ITGA8: variants seen among roughly 807,000 people sequenced by gnomAD.
The protein encoded by ITGA8 is integrin subunit alpha 8.
In ITGA8, 91 loss-of-function variants were observed where a neutral mutation model predicts 142.3. The observed-to-expected ratio is 0.64, with a 90% CI of 0.54 to 0.76. The LOEUF (loss-of-function observed/expected upper bound fraction) is 0.76, where lower values mean the gene tolerates loss of function less well. Among genes scored for constraint, ITGA8 ranks in the 30% least tolerant of loss-of-function variants. ITGA8 has a pLI of 0.00. For missense variants in ITGA8, 1,406 were observed against 1,327.7 expected (o/e 1.06, Z -0.92); for synonymous variants, 505 against 485.2 (o/e 1.04, Z -0.54).
intron 25 of ITGA8, among the ~76,000 whole-genome samples, chr10:15,566,173 T>C (rs74907747): frequency 0.012 from 1,831 of 152,258 alleles, 35 homozygotes; most frequent in African/African-American, 0.042. Flanking sequence ...CCGCTTTCCA[T>C]GTTTGTACTA....
At chr10:15,654,155 C>T (rs182818377) in intron 11 of ITGA8, among the ~76,000 whole-genome samples, 12 of 152,234 alleles carry the variant, frequency 7.9e-5, no homozygotes, top group Admixed American at 7.8e-4. Context: ...GTTTTCATGG[C>T]CTGATAGCTC....
At chr10:15,532,701 C>T (rs143810473) in intron 27 of ITGA8, among the ~76,000 whole-genome samples, 159 of 151,110 alleles carry the variant, frequency 1.1e-3, no homozygotes, top group African/African-American at 3.7e-3. Flanking sequence ...AGTGCTGGGT[C>T]CTAACTGGCT....
At chr10:15,652,230 T>C (rs1347915732) in intron 11 of ITGA8, among the ~76,000 whole-genome samples, 3 of 152,216 alleles carry the variant, frequency 2.0e-5, no homozygotes, top group Non-Finnish European at 4.4e-5. Context: ...CACAAAACTT[T>C]GCTATAGACT....
rs1463817650 is a variant in ITGA8 at position 15,589,483 on chromosome 10, T to G, written c.2291+2742A>C. Among the ~76,000 whole-genome samples the G allele has an allele frequency of 5.3e-5, 8 of 152,290 alleles. No homozygotes were observed. The East Asian group carries it at 1.5e-3, about 29-fold the overall frequency. ...ATTTGGTAACAGGAAATATTTTAAG[T>G]TTATTAACATATAAAGCCCATTTCT... On this transcript the variant is annotated intron_variant, in intron 22 of 29. Coordinates refer to ENST00000378076, the MANE Select transcript of ITGA8 (RefSeq NM_003638.3).
intron 8 of ITGA8, among the ~76,000 whole-genome samples, chr10:15,664,656 T>A (rs1205331299): frequency 2.9e-5 from 4 of 136,970 alleles, no homozygotes; most frequent in African/African-American, 1.1e-4. Context: ...CCTAATGCTA[T>A]CCCTCCCCCC....
At chr10:15,708,230 TA>T (rs1415490843) in intron 2 of ITGA8, among the ~76,000 whole-genome samples, 3 of 152,206 alleles carry the variant, frequency 2.0e-5, no homozygotes, top group Non-Finnish European at 2.9e-5. Flanking sequence ...ATGACATTTT[TA>T]TAAGTAAAAG....
intron 14 of ITGA8, among the ~76,000 whole-genome samples, chr10:15,616,245 G>A (rs754201038): frequency 6.6e-5 from 10 of 152,112 alleles, no homozygotes; most frequent in South Asian, 2.1e-4. Flanking sequence ...ATTCAGTAAC[G>A]TCTAAAAAGT....
chr10:15,684,834 T>A (rs907668945), intron 3 of ITGA8, among the ~76,000 whole-genome samples: 1 of 152,184 alleles, frequency 6.6e-6, no homozygotes, highest in South Asian at 2.1e-4. Context: ...TGAGAACAAG[T>A]TCCTTTCTGT....
chr10:15,646,989 C>T lies in ITGA8; in HGVS notation c.1064G>A (p.Arg355Lys), dbSNP rs1403330736. Residue 355 changes from arginine to lysine, a missense_variant, in exon 12 of 30, where the codon AGA (arginine) becomes AAA (lysine). Physicochemically the swap from Arg to Lys is conservative, Grantham distance 26. Coordinates refer to ENST00000378076, the MANE Select transcript of ITGA8 (RefSeq NM_003638.3). ...ATACAGGTAGATTTGCCCTACTTCTCTGGGGTTGCTCTCAAATTCACGTTC... is the reference window on the plus strand; with the variant it reads ...ATACAGGTAGATTTGCCCTACTTCTTTGGGGTTGCTCTCAAATTCACGTTC... ...FMEREFESNP[R>K]EVGQIYLYLQ... is the part of the protein sequence containing the mutation. The T allele has an allele frequency of 3.7e-6, 6 of 1,614,130 alleles. No individual in the cohort carries two copies. The Admixed American group carries it at 6.7e-5, about 18-fold the overall frequency.
intron 23 of ITGA8, among the ~76,000 whole-genome samples, chr10:15,579,503 A>T (rs1834363249): frequency 6.6e-6 from 1 of 152,108 alleles, no homozygotes; most frequent in Non-Finnish European, 1.5e-5. Context: ...TTATTTTGGA[A>T]TTAAGAACCA....
chr10:15,675,910 T>C (rs1244390553), intron 6 of ITGA8, among the ~76,000 whole-genome samples: 1 of 152,214 alleles, frequency 6.6e-6, no homozygotes, highest in Non-Finnish European at 1.5e-5. Context: ...ATTGCTATGG[T>C]AAATTTTCAG....
intron 2 of ITGA8, among the ~76,000 whole-genome samples, chr10:15,706,169 GCTC>G (rs1160313287): frequency 6.6e-6 from 1 of 152,096 alleles, no homozygotes; most frequent in African/African-American, 2.4e-5. Context: ...TCTAAGACAT[GCTC>G]CTTACCCACT....
intron 11 of ITGA8, among the ~76,000 whole-genome samples, chr10:15,651,331 C>T (rs1008886081): frequency 1.6e-4 from 25 of 152,216 alleles, no homozygotes; most frequent in African/African-American, 5.8e-4. Context: ...CTTGAGATAA[C>T]GAAACTGAAG....
rs146708392 is a variant in ITGA8, at chr10:15,629,852, C to T, written c.1400-13293G>A. On this transcript the variant is annotated intron_variant, in intron 13 of 29. Transcript: ENST00000378076. ...TGAGGAAGAGAGAATCTCTTGAACC[C>T]GGGAAGCAGAGGTTGCAGTGAGCCA... Among the ~76,000 whole-genome samples, 105 of 152,076 alleles carry T rather than the reference C, an allele frequency of 6.9e-4. 1 individual carries two copies. Among genetic ancestry groups the T allele is most frequent in the African/African-American group, 2.2e-3 (91 of 41,396 alleles).
intron 25 of ITGA8, among the ~76,000 whole-genome samples, chr10:15,558,892 A>G (rs1184381894): frequency 1.3e-5 from 2 of 152,188 alleles, no homozygotes; most frequent in East Asian, 1.9e-4. Context: ...GAGAATTCCA[A>G]TAAATCACAC....
rs1834199610 is a variant in ITGA8 at position 15,572,269 on chromosome 10, T to C, written c.2579A>G (p.Gln860Arg). The change falls in exon 25 of 30, where the codon CAA becomes CGA. Residue 860 changes from glutamine to arginine, a missense_variant. Coordinates refer to ENST00000378076, the MANE Select transcript of ITGA8 (RefSeq NM_003638.3). Reference protein sequence around the residue: ...DEFLLYIFHIQTLGPLQCQPN... With the variant: ...DEFLLYIFHIRTLGPLQCQPN... Reference sequence around the variant, plus strand: ...TTGGCACTGCAGAGGTCCCAGAGTTTGAATATGGAAAATATAGAGAAGAAA... The same window carrying C: ...TTGGCACTGCAGAGGTCCCAGAGTTCGAATATGGAAAATATAGAGAAGAAA... 1 of 1,614,060 alleles carries C rather than the reference T, an allele frequency of 6.2e-7. No individual in the cohort carries two copies. The highest frequency in any genetic ancestry group is 8.5e-7 in the Non-Finnish European group (1 of 1,179,956).
intron 11 of ITGA8, among the ~76,000 whole-genome samples, chr10:15,652,329 C>G (rs1834101778): frequency 6.6e-6 from 1 of 152,160 alleles, no homozygotes; most frequent in African/African-American, 2.4e-5. Flanking sequence ...ACAGGAGTGG[C>G]CTGTGGAAGA....
intron 2 of ITGA8, among the ~76,000 whole-genome samples, chr10:15,692,822 C>A (rs1295301962): frequency 1.3e-5 from 2 of 152,190 alleles, no homozygotes; most frequent in African/African-American, 4.8e-5. Context: ...AATCCCAGCA[C>A]TTTGGGAGAC....
chr10:15,544,791 T>C (rs1450647752), intron 27 of ITGA8, among the ~76,000 whole-genome samples: 5 of 152,196 alleles, frequency 3.3e-5, no homozygotes, highest in Admixed American at 3.3e-4. Context: ...TAACAGAAAG[T>C]GGCTTCCTAG....
Sources: allele counts gnomAD v4.1 joint callset (sites outside exome capture counted in the v4.1 genomes callset), GRCh38; gene constraint gnomAD v4.1.1; transcripts MANE v1.5; gene names NCBI Gene and HGNC (gene_info 2026-07-23, HGNC 2026-07-21).